KIAA0753: variants seen among roughly 807,000 people sequenced by gnomAD.
The protein encoded by KIAA0753 is protein moonraker.
In KIAA0753, 114 loss-of-function variants were observed where a neutral mutation model predicts 116.9. The ratio of observed to expected loss-of-function variants is 0.98; its 90% CI spans 0.84 to 1.14. The LOEUF (loss-of-function observed/expected upper bound fraction) is 1.14. KIAA0753 is among the 50% of genes most tolerant of loss of function. KIAA0753 has a pLI of 0.00. For missense variants in KIAA0753, 1,156 were observed against 1,172.4 expected (o/e 0.99, Z 0.20); for synonymous variants, 405 against 413.1 (o/e 0.98, Z 0.24).
intron 2 of KIAA0753, among the ~76,000 whole-genome samples, chr17:6,631,079 G>A (rs1242837825): frequency 6.6e-6 from 1 of 151,932 alleles, no homozygotes; most frequent in Non-Finnish European, 1.5e-5. Context: ...ATACACGAGA[G>A]ACAGGAAGAA....
Position 6,590,616 on chromosome 17 carries a change from C to T in KIAA0753, c.2455G>A (p.Ala819Thr). 1 of 1,613,724 alleles carries T rather than the reference C, an allele frequency of 6.2e-7. No homozygotes were observed. The highest frequency in any genetic ancestry group is 1.7e-5 in the Admixed American group (1 of 60,000). The change falls in exon 17 of 19, where the codon GCA becomes ACA. Residue 819 changes from alanine (A) to threonine (T), a missense_variant. Coordinates refer to ENST00000361413, the MANE Select transcript of KIAA0753 (RefSeq NM_014804.3). ...QEENNDQKIS[A>T]ISEKPLSPHP... ...GGAGATAGAGGCTTTTCACTTATTG[C>T]TGAGATTTTTTGGTCTAGAAAAGGA...
intron 14 of KIAA0753, among the ~76,000 whole-genome samples, chr17:6,597,855 T>A (rs914993253): frequency 6.6e-6 from 1 of 152,218 alleles, no homozygotes; most frequent in Non-Finnish European, 1.5e-5. Context: ...TAAGTTAACA[T>A]AGTAAAAACA....
intron 12 of KIAA0753, among the ~76,000 whole-genome samples, chr17:6,605,119 C>T: frequency 7.0e-6 from 1 of 142,380 alleles, no homozygotes; most frequent in East Asian, 2.2e-4. Flanking sequence ...GCAGCAGCTA[C>T]ATTAGCATGT....
intron 12 of KIAA0753, among the ~76,000 whole-genome samples, chr17:6,602,341 T>C (rs982643886): frequency 1.3e-5 from 2 of 152,256 alleles, no homozygotes; most frequent in African/African-American, 4.8e-5. Context: ...GCTTGATTCA[T>C]ACTAACTATA....
intron 18 of KIAA0753, among the ~76,000 whole-genome samples, chr17:6,589,502 C>G (rs1355759407): frequency 6.6e-6 from 1 of 152,200 alleles, no homozygotes; most frequent in Non-Finnish European, 1.5e-5. Flanking sequence ...GACTAGAACC[C>G]GATGGTATTC....
At chr17:6,607,036 G>T in intron 11 of KIAA0753, 74 bp from the exon 12 acceptor site, 1 of 1,485,180 alleles carries the variant, frequency 6.7e-7, no homozygotes, top group Non-Finnish European at 9.4e-7. Context: ...TCCAGTCTTG[G>T]CTCCCCCCTT....
At chr17:6,600,331 A>G (rs1969781037) in intron 13 of KIAA0753, 49 bp downstream of exon 13, 1 of 1,430,612 alleles carries the variant, frequency 7.0e-7, no homozygotes, top group Admixed American at 1.7e-5. Flanking sequence ...CTCATTTTAA[A>G]TCCAGGACTT....
At chr17:6,632,854 T>C (rs1028552411) in intron 2 of KIAA0753, among the ~76,000 whole-genome samples, 14 of 152,106 alleles carry the variant, frequency 9.2e-5, no homozygotes, top group African/African-American at 3.4e-4. Flanking sequence ...CTGGCCTATA[T>C]TCTTAAAAAA....
intron 7 of KIAA0753, among the ~76,000 whole-genome samples, chr17:6,618,421 C>T (rs1971077915): frequency 6.6e-6 from 1 of 152,228 alleles, no homozygotes; most frequent in Non-Finnish European, 1.5e-5. Context: ...GCATAGGTCA[C>T]AACCTGGGAC....
At chr17:6,601,439 C>T (rs1969867683) in intron 12 of KIAA0753, among the ~76,000 whole-genome samples, 1 of 152,140 alleles carries the variant, frequency 6.6e-6, no homozygotes, top group Non-Finnish European at 1.5e-5. Context: ...CAACTCAGCT[C>T]CTAGGAAGCA....
rs942315628 is a variant in KIAA0753 at position 6,622,902 on chromosome 17, C to T, written c.1084G>A (p.Asp362Asn). 1.2e-6 allele frequency: 2 copies of T among 1,613,992 alleles called. No homozygotes were observed. Among genetic ancestry groups the T allele is most frequent in the Non-Finnish European group, 1.7e-6 (2 of 1,179,840 alleles). ...CATACCTCAATTTGTTGCAGAATATCTATAACCACATCAGGAACAGAAGGG... is the reference window on the plus strand; with the variant it reads ...CATACCTCAATTTGTTGCAGAATATTTATAACCACATCAGGAACAGAAGGG... ...ADPSVPDVVI[D>N]ILQQIEALES... Residue 362 changes from aspartate (D) to asparagine (N), a missense_variant, in exon 6 of 19, where the codon GAT becomes AAT. Transcript: ENST00000361413.
chr17:6,612,014 ACACCTCGTCTTTGAAGCTTG>A lies in KIAA0753; in HGVS notation c.1430_1449del (p.Ala477ValfsTer16), dbSNP rs1321496921. ...CCTGCTTTTGTTTTTGCCACGGCTA[ACACCTCGTCTTTGAAGCTTG>A]CACTTTGGTCTAGAATAAATGGTCC... is the stretch of plus-strand genomic sequence containing the variant. On this transcript the variant is annotated frameshift_variant, in exon 8 of 19. Coordinates refer to ENST00000361413, the MANE Select transcript of KIAA0753 (RefSeq NM_014804.3). LOFTEE classifies it high-confidence loss of function. 21 of 1,614,192 alleles carry A rather than the reference ACACCTCGTCTTTGAAGCTTG, an allele frequency of 1.3e-5. No homozygotes were observed. The highest frequency in any genetic ancestry group is 1.8e-5 in the Non-Finnish European group (21 of 1,180,036).
intron 16 of KIAA0753, among the ~76,000 whole-genome samples, chr17:6,591,061 A>AGAAG (rs1567540817): frequency 0.014 from 1,000 of 72,216 alleles, 23 homozygotes; most frequent in East Asian, 0.079. Flanking sequence ...AAGAAGAAGA[A>AGAAG]GAAGAAGAAG....
intron 18 of KIAA0753, among the ~76,000 whole-genome samples, chr17:6,580,568 G>A (rs1968083358): frequency 6.6e-6 from 1 of 152,024 alleles, no homozygotes; most frequent in Admixed American, 6.5e-5. Context: ...CGCCTGCCTT[G>A]GCCTCCCAAA....
intron 7 of KIAA0753, 115 bp from the exon 8 acceptor site, chr17:6,612,263 A>C: frequency 1.4e-6 from 1 of 737,778 alleles, no homozygotes; most frequent in Non-Finnish European, 2.2e-6. Flanking sequence ...CCTGCTGAGA[A>C]GCAGATGTTT....
At chr17:6,619,221 T>G (rs955095181) in intron 7 of KIAA0753, among the ~76,000 whole-genome samples, 3 of 151,310 alleles carry the variant, frequency 2.0e-5, no homozygotes, top group African/African-American at 7.3e-5. Context: ...GGAGCGAGAT[T>G]CCACTTCAAG....
chr17:6,579,716 G>T lies in KIAA0753; in HGVS notation c.*31C>A. ...AGGGTGGTGCCATCCCTTCTCCAGT[G>T]TGACACAAATGGCCTCGCCTCAGAG... On this transcript the variant is annotated 3_prime_UTR_variant, in exon 19 of 19. Transcript: ENST00000361413. The T allele has an allele frequency of 6.8e-7, 1 of 1,469,876 alleles. No individual in the cohort carries two copies. The highest frequency in any genetic ancestry group is 9.5e-7 in the Non-Finnish European group (1 of 1,050,578). The allele number at this position is 1,469,876 out of a possible 1,614,324, so 91.1% of individuals were successfully genotyped here.
Position 6,624,856 on chromosome 17 carries a change from G to A in KIAA0753, c.724C>T (p.Leu242=). The A allele has an allele frequency of 6.4e-7, 1 of 1,551,358 alleles. No individual in the cohort carries two copies. The highest frequency in any genetic ancestry group is 8.7e-7 in the Non-Finnish European group (1 of 1,144,712). The change falls in exon 4 of 19, where the codon CTA becomes TTA. Residue 242 remains leucine (L), a synonymous_variant. Transcript: ENST00000361413. Reference sequence around the variant, plus strand: ...TCATCTGGATCCAAAGCTTCTTCTAGTCTATCTGAAAATATTAATAGTTTT... The same window carrying A: ...TCATCTGGATCCAAAGCTTCTTCTAATCTATCTGAAAATATTAATAGTTTT... ...KIEEVTKKDR[L]EEALDPDEER... is the part of the protein sequence containing the mutation.
intron 3 of KIAA0753, among the ~76,000 whole-genome samples, chr17:6,626,530 AG>A (rs1476405899): frequency 1.3e-5 from 2 of 151,928 alleles, no homozygotes; most frequent in African/African-American, 4.8e-5. Context: ...GAACGGGCTT[AG>A]GTGGGGGGTT....
Sources: gnomAD v4.1 joint callset for allele counts (sites outside exome capture counted in the v4.1 genomes callset) on GRCh38, gnomAD v4.1.1 for gene constraint, MANE v1.5 for transcripts, NCBI Gene and HGNC (gene_info 2026-07-23, HGNC 2026-07-21) for gene names.